Variants in FKBP5 observed in about 807,000 individuals in gnomAD.
The protein encoded by FKBP5 is FKBP prolyl isomerase 5, also known as peptidyl-prolyl cis-trans isomerase FKBP5.
FKBP5 carries 23 observed loss-of-function variants against 50.5 expected under a neutral mutation model. That is an observed-to-expected ratio of 0.46 (90% CI 0.33 to 0.65). The LOEUF (loss-of-function observed/expected upper bound fraction) is 0.65. Among genes scored for constraint, FKBP5 ranks in the 30% least tolerant of loss-of-function variants. FKBP5 has a pLI of 0.02. For missense variants in FKBP5, 411 were observed against 553.1 expected (o/e 0.74, Z 2.58); for synonymous variants, 176 against 190.6 (o/e 0.92, Z 0.63).
chr6:35,635,420 C>T lies in FKBP5; in HGVS notation c.250+1594G>A, dbSNP rs532012063. On this transcript the variant is annotated intron_variant, in intron 3 of 10. Coordinates refer to ENST00000357266, the MANE Select transcript of FKBP5 (RefSeq NM_004117.4). The stretch of plus-strand genomic sequence containing the variant: ...CTGAGAGGTTGAGGCTACAGTGAGC[C>T]GGCCCGGGTGACAGATCGAGACCCT... 1.6e-4 allele frequency among the ~76,000 whole-genome samples: 24 copies of T among 151,688 alleles called. No individual in the cohort carries two copies. The South Asian group carries it at 4.6e-3, about 29-fold the overall frequency.
intron 5 of FKBP5, 119 bp from the exon 6 acceptor site, chr6:35,597,523 C>T: frequency 8.5e-7 from 1 of 1,174,726 alleles, no homozygotes; most frequent in Non-Finnish European, 1.2e-6. Context: ...CTCATTTCAT[C>T]AAGAGACACA....
At position 35,678,783 on chromosome 6, in the gene FKBP5, A is replaced by G. The variant is rs369229639; in HGVS notation, c.-20+10021T>C. Among the ~76,000 whole-genome samples, 19 of 152,316 alleles carry G rather than the reference A, an allele frequency of 1.2e-4. No individual in the cohort carries two copies. The East Asian group carries it at 2.7e-3, about 22-fold the overall frequency. The stretch of plus-strand genomic sequence containing the variant: ...TTTATGATCTCTGTGAGAATTTAAC[A>G]GTTTAAAAAAGCACATGGCTGGACA... On this transcript the variant is annotated intron_variant, in intron 1 of 10. Coordinates refer to ENST00000357266, the MANE Select transcript of FKBP5 (RefSeq NM_004117.4).
At chr6:35,582,783 T>C (rs778825129) in intron 8 of FKBP5, 111 of 985,340 alleles carry the variant, frequency 1.1e-4, no homozygotes, top group Non-Finnish European at 1.3e-4. Flanking sequence ...ATTTTCTTTC[T>C]GTCACTGCCT....
Position 35,620,717 on chromosome 6 carries a change from T to C in FKBP5, c.251-443A>G, listed in dbSNP as rs185185550. Among the ~76,000 whole-genome samples the C allele has an allele frequency of 5.3e-5, 8 of 152,282 alleles. No homozygotes were observed. In the East Asian group the frequency reaches 1.2e-3, roughly 22 times the overall value. On this transcript the variant is annotated intron_variant, in intron 3 of 10. Coordinates refer to ENST00000357266, the MANE Select transcript of FKBP5 (RefSeq NM_004117.4). ...CTTCAGTGAGTCATGATTATGCCAC[T>C]GCACTCTAGCCTGGGTGACAGAGTG... is the stretch of plus-strand genomic sequence containing the variant.
rs76042823 is a variant in FKBP5, at chr6:35,596,492, G to A, written c.665+756C>T. ...CAAGTGCAGGTCATCAAGATTCTCAGTAACTCAGAATCCCACTGTCTGAAA... is the reference window on the plus strand; with the variant it reads ...CAAGTGCAGGTCATCAAGATTCTCAATAACTCAGAATCCCACTGTCTGAAA... On this transcript the variant is annotated intron_variant, in intron 6 of 10. Coordinates refer to ENST00000357266, the MANE Select transcript of FKBP5 (RefSeq NM_004117.4). Among the ~76,000 whole-genome samples the A allele has an allele frequency of 3.7e-3, 568 of 152,136 alleles. 2 individuals are homozygous for A. Among genetic ancestry groups the A allele is most frequent in the African/African-American group, 0.011 (439 of 41,452 alleles).
chr6:35,713,177 G>A (rs1766445800), intron 2 of FKBP5, among the ~76,000 whole-genome samples: 1 of 151,812 alleles, frequency 6.6e-6, no homozygotes, highest in Non-Finnish European at 1.5e-5. Flanking sequence ...AGCGGGTGGG[G>A]CAAAAAGAGG....
At chr6:35,599,328 A>C (rs958426071) in intron 5 of FKBP5, among the ~76,000 whole-genome samples, 2 of 152,206 alleles carry the variant, frequency 1.3e-5, no homozygotes, top group African/African-American at 4.8e-5. Flanking sequence ...ACCAGCTTCA[A>C]ATCTAATTCC....
chr6:35,662,821 G>T (rs1424908401), intron 1 of FKBP5, among the ~76,000 whole-genome samples: 3 of 152,132 alleles, frequency 2.0e-5, no homozygotes, highest in Admixed American at 1.3e-4. Flanking sequence ...TACACACCAT[G>T]AATACCTACT....
At chr6:35,579,984 G>C in intron 9 of FKBP5, 52 bp downstream of exon 9, 1 of 1,326,234 alleles carries the variant, frequency 7.5e-7, no homozygotes, top group South Asian at 1.6e-5. Context: ...GACAGAGATG[G>C]AGAAAAGATC....
At chr6:35,602,171 AAG>A (rs1294392451) in intron 5 of FKBP5, among the ~76,000 whole-genome samples, 3 of 152,206 alleles carry the variant, frequency 2.0e-5, no homozygotes, top group African/African-American at 7.2e-5. Flanking sequence ...GAAAAAAGGA[AAG>A]AGAGTGCACA....
chr6:35,622,507 T>C (rs1763876778), intron 3 of FKBP5, among the ~76,000 whole-genome samples: 1 of 150,022 alleles, frequency 6.7e-6, no homozygotes, highest in African/African-American at 2.5e-5. Flanking sequence ...CGAGACCCTG[T>C]CTCTTAAAAA....
intron 8 of FKBP5, chr6:35,585,584 C>T: frequency 1.0e-6 from 1 of 984,864 alleles, no homozygotes; most frequent in African/African-American, 1.7e-5. Flanking sequence ...TTCTATCATA[C>T]CCCCATGCTT....
intron 7 of FKBP5, among the ~76,000 whole-genome samples, chr6:35,587,344 AAG>A (rs1333310881): frequency 6.6e-6 from 1 of 152,220 alleles, no homozygotes; most frequent in Non-Finnish European, 1.5e-5. Flanking sequence ...AATGTTGCTC[AAG>A]AGAGAGGAGC....
chr6:35,723,158 G>A (rs1020414213), intron 1 of FKBP5, among the ~76,000 whole-genome samples: 13 of 152,168 alleles, frequency 8.5e-5, no homozygotes, highest in Admixed American at 3.9e-4. Context: ...GCTTGAATCC[G>A]GGAGGCAGAG....
At chr6:35,662,463 T>G (rs1160218718) in intron 1 of FKBP5, among the ~76,000 whole-genome samples, 1 of 151,460 alleles carries the variant, frequency 6.6e-6, no homozygotes, top group Admixed American at 6.6e-5. Flanking sequence ...TTTTTTTTTT[T>G]TGTAGAGACA....
chr6:35,702,846 A>G (rs1334876765), intron 2 of FKBP5, among the ~76,000 whole-genome samples: 1 of 152,212 alleles, frequency 6.6e-6, no homozygotes, highest in Non-Finnish European at 1.5e-5. Flanking sequence ...CATTATTAGA[A>G]CACATAGAAA....
At position 35,580,204 on chromosome 6, in the gene FKBP5, C is replaced by T; in HGVS notation, c.858G>A (p.Gln286=). ...CTATCTTCCCATACTGAATCACCGC[C>T]TGCATGTATTTGCCTCCCTAGGATA... ...TVYFKGGKYM[Q]AVIQYGKIVS... Residue 286 remains glutamine (Q), a synonymous_variant, in exon 9 of 11, where the codon CAG becomes CAA. Coordinates refer to ENST00000357266, the MANE Select transcript of FKBP5 (RefSeq NM_004117.4). 2 of 1,612,986 alleles carry T rather than the reference C, an allele frequency of 1.2e-6. No individual in the cohort carries two copies. Among genetic ancestry groups the T allele is most frequent in the Non-Finnish European group, 1.7e-6 (2 of 1,179,220 alleles).
At chr6:35,725,124 A>G (rs1461431454) in intron 1 of FKBP5, among the ~76,000 whole-genome samples, 1 of 152,220 alleles carries the variant, frequency 6.6e-6, no homozygotes, top group Non-Finnish European at 1.5e-5. Context: ...CTCAATATCT[A>G]AGCCACTTTG....
intron 2 of FKBP5, 126 bp from the exon 3 acceptor site, chr6:35,637,284 T>C: frequency 1.3e-6 from 1 of 763,618 alleles, no homozygotes; most frequent in Non-Finnish European, 2.1e-6. Flanking sequence ...ATCCATTCTT[T>C]CTAATGCCTC....
Sources: allele counts gnomAD v4.1 joint callset (sites outside exome capture counted in the v4.1 genomes callset), GRCh38; gene constraint gnomAD v4.1.1; transcripts MANE v1.5; gene names NCBI Gene and HGNC (gene_info 2026-07-23, HGNC 2026-07-21).